The following SYTL5 variants were observed in gnomAD, a reference collection of about 807,000 sequenced individuals.
The protein encoded by SYTL5 is synaptotagmin like 5.
In SYTL5, 34 loss-of-function variants were observed where a neutral mutation model predicts 55.9. The ratio of observed to expected loss-of-function variants is 0.61; its 90% CI spans 0.46 to 0.81. The LOEUF (loss-of-function observed/expected upper bound fraction) is 0.81, where lower values mean the gene tolerates loss of function less well. Among genes scored for constraint, SYTL5 ranks in the 30% least tolerant of loss-of-function variants. The pLI, the probability that SYTL5 is intolerant of heterozygous loss-of-function variation, is 0.00. For synonymous variants in SYTL5, 221 were observed against 188.7 expected, an observed-to-expected ratio of 1.17 and a Z score of -1.40; for missense variants, 637 against 546.7, an observed-to-expected ratio of 1.17 and a Z score of -1.65.
chrX:37,936,725 A>G, the SYTL5 span, among the ~76,000 whole-genome samples: 3 of 111,150 alleles, frequency 2.7e-5, no homozygotes, highest in Admixed American at 9.5e-5. Flanking sequence ...ATACTCATAA[A>G]TTGTTCCCAC....
At chrX:38,087,300 T>C (rs1936680676) in intron 6 of SYTL5, among the ~76,000 whole-genome samples, 1 of 112,169 alleles carries the variant, frequency 8.9e-6, no homozygotes, top group Non-Finnish European at 1.9e-5. Context: ...AAAGTCTCTA[T>C]GCCTCTCCTA....
At chrX:37,988,856 T>G in the SYTL5 span, among the ~76,000 whole-genome samples, 1 of 112,335 alleles carries the variant, frequency 8.9e-6, no homozygotes, top group African/African-American at 3.2e-5. Context: ...GCAGGACTTG[T>G]AAGCAATGAA....
the SYTL5 span, among the ~76,000 whole-genome samples, chrX:37,895,689 A>C: frequency 9.2e-6 from 1 of 109,273 alleles, no homozygotes; most frequent in Non-Finnish European, 1.9e-5. Context: ...AAAGAAAAAA[A>C]CGTAGGAAGG....
the SYTL5 span, chrX:37,994,367 T>C: frequency 8.9e-6 from 1 of 112,825 alleles, no homozygotes; most frequent in Non-Finnish European, 1.9e-5. Context: ...AAATGTTCTG[T>C]AGGCCTAGGA....
intron 5 of SYTL5, among the ~76,000 whole-genome samples, chrX:38,074,034 G>A (rs1365180255): frequency 9.0e-6 from 1 of 111,522 alleles, no homozygotes; most frequent in Non-Finnish European, 1.9e-5. Context: ...GTTGTACAAT[G>A]TCAATACTCC....
intron 14 of SYTL5, among the ~76,000 whole-genome samples, chrX:38,121,292 T>TG (rs772170256): frequency 1.8e-5 from 2 of 111,624 alleles, no homozygotes; most frequent in Admixed American, 1.9e-4. Flanking sequence ...ACATGGGATT[T>TG]GGGTGAGGAT....
chrX:38,071,300 G>A (rs1263780169), intron 3 of SYTL5, among the ~76,000 whole-genome samples: 3 of 111,590 alleles, frequency 2.7e-5, no homozygotes, highest in African/African-American at 9.8e-5. Flanking sequence ...GCCATTGCAG[G>A]TAGGGTTTAA....
chrX:37,963,679 T>C, the SYTL5 span, among the ~76,000 whole-genome samples: 40 of 112,273 alleles, frequency 3.6e-4, no homozygotes, highest in East Asian at 0.011. Context: ...TCATGTTACC[T>C]GCAAAGAGAT....
intron 1 of SYTL5, among the ~76,000 whole-genome samples, chrX:38,023,607 T>G (rs1188534787): frequency 1.8e-5 from 2 of 111,931 alleles, no homozygotes; most frequent in African/African-American, 3.2e-5. Flanking sequence ...CAGCTCGCAA[T>G]ATAACTTAGA....
chrX:37,895,433 C>CTTCCTTCCTTCCTTCT, the SYTL5 span, among the ~76,000 whole-genome samples: 43 of 91,217 alleles, frequency 4.7e-4, no homozygotes, highest in Middle Eastern at 5.1e-3. Flanking sequence ...TCCTTCCTTC[C>CTTCCTTCCTTCCTTCT]TTCCTTCCTT....
chrX:38,039,053 A>G (rs1478496365), intron 2 of SYTL5, among the ~76,000 whole-genome samples: 2 of 111,997 alleles, frequency 1.8e-5, no homozygotes, highest in Non-Finnish European at 3.8e-5. Context: ...CTCCATACCC[A>G]GAAGGCACAT....
chrX:38,105,298 C>T (rs754380061), intron 10 of SYTL5, among the ~76,000 whole-genome samples: 1 of 112,828 alleles, frequency 8.9e-6, no homozygotes, highest in South Asian at 3.7e-4. Context: ...GGTTGAGGAC[C>T]GGCACCCCTG....
chrX:38,046,536 C>T (rs1357982276), intron 2 of SYTL5, among the ~76,000 whole-genome samples: 1 of 111,631 alleles, frequency 9.0e-6, no homozygotes, highest in Non-Finnish European at 1.9e-5. Context: ...CCACCAGGTC[C>T]CTCCCACAAC....
At chrX:38,053,606 G>A (rs1463184294) in intron 2 of SYTL5, among the ~76,000 whole-genome samples, 2 of 112,192 alleles carry the variant, frequency 1.8e-5, no homozygotes, top group Non-Finnish European at 3.8e-5. Context: ...GAAAGCACCT[G>A]ATCTCATCTG....
chrX:38,046,910 G>A (rs376261243), intron 2 of SYTL5, among the ~76,000 whole-genome samples: 16 of 111,848 alleles, frequency 1.4e-4, no homozygotes, highest in African/African-American at 4.9e-4. Context: ...AATCCAGGGG[G>A]GCAGTCAAAT....
intron 14 of SYTL5, 141 bp from the exon 15 acceptor site, chrX:38,121,939 C>A: frequency 1.8e-6 from 1 of 540,923 alleles, no homozygotes; most frequent in Non-Finnish European, 2.7e-6. Flanking sequence ...TAAAAATATA[C>A]AATAATGTAA....
intron 13 of SYTL5, among the ~76,000 whole-genome samples, chrX:38,113,480 G>A (rs5918477): frequency 0.13 from 14,584 of 111,105 alleles, 800 homozygotes; most frequent in Middle Eastern, 0.16. Flanking sequence ...TGCACTGGGA[G>A]TCTCTTTCTC....
chrX:38,041,508 T>C (rs1935288905), intron 2 of SYTL5, among the ~76,000 whole-genome samples: 1 of 112,061 alleles, frequency 8.9e-6, no homozygotes, highest in South Asian at 3.7e-4. Context: ...TCTTAACGGA[T>C]TAACAGAAAC....
chrX:38,012,493 G>A (rs1057008226), intron 1 of SYTL5, among the ~76,000 whole-genome samples: 4 of 111,828 alleles, frequency 3.6e-5, no homozygotes, highest in Non-Finnish European at 7.5e-5. Flanking sequence ...TTGGAAAGAA[G>A]CCATCAGATA....
Sources: allele counts gnomAD v4.1 joint callset (sites outside exome capture counted in the v4.1 genomes callset), GRCh38; gene constraint gnomAD v4.1.1; transcripts MANE v1.5; gene names NCBI Gene and HGNC (gene_info 2026-07-23, HGNC 2026-07-21).